PCDHA7: variants seen among roughly 807,000 people sequenced by gnomAD.
PCDHA7 encodes protocadherin alpha-7.
In PCDHA7, 37 loss-of-function variants were observed where a neutral mutation model predicts 57.2. The observed-to-expected ratio is 0.65, with a 90% CI of 0.50 to 0.85. PCDHA7 has a LOEUF of 0.85. PCDHA7 is among the 40% of genes least tolerant of loss of function. PCDHA7 has a pLI of 0.00. For synonymous variants in PCDHA7, 553 were observed against 558.8 expected, an observed-to-expected ratio of 0.99 and a Z score of 0.15; for missense variants, 1,188 against 1,241.8, an observed-to-expected ratio of 0.96 and a Z score of 0.65.
intron 3 of PCDHA7, among the ~76,000 whole-genome samples, chr5:141,008,665 T>A (rs2098385671): frequency 6.6e-6 from 1 of 152,210 alleles, no homozygotes; most frequent in Non-Finnish European, 1.5e-5. Context: ...CACAATACTT[T>A]ACATATACTT....
chr5:140,897,677 G>T (rs1390475923), intron 1 of PCDHA7, among the ~76,000 whole-genome samples: 1 of 152,168 alleles, frequency 6.6e-6, no homozygotes, highest in African/African-American at 2.4e-5. Flanking sequence ...ATAGCAGCAT[G>T]ATTTATAGTC....
At position 140,843,775 on chromosome 5, in the gene PCDHA7, A is replaced by C. The variant is rs2150366589; in HGVS notation, c.2355+7037A>C. On this transcript the variant is annotated intron_variant, in intron 1 of 3. Coordinates refer to ENST00000525929, the MANE Select transcript of PCDHA7 (RefSeq NM_018910.3). The stretch of plus-strand genomic sequence containing the variant: ...ATTTGTGGAAATTGTAGTTACTTTA[A>C]AAGTGTTTCAGATTTAGTTTTTCAC... 8 of 1,450,698 alleles carry C rather than the reference A, an allele frequency of 5.5e-6. No homozygotes were observed. In the South Asian group the frequency reaches 1.0e-4, roughly 18 times the overall value. The allele number at this position is 1,450,698 out of a possible 1,614,324, so 89.9% of individuals were successfully genotyped here.
intron 1 of PCDHA7, among the ~76,000 whole-genome samples, chr5:140,871,971 G>A (rs2053418279): frequency 6.6e-6 from 1 of 152,204 alleles, no homozygotes; most frequent in South Asian, 2.1e-4. Context: ...GTCTTCCTAT[G>A]ATGTCCAGGT....
intron 1 of PCDHA7, chr5:140,857,200 C>A: frequency 1.3e-6 from 2 of 1,598,618 alleles, no homozygotes; most frequent in East Asian, 2.2e-5. Flanking sequence ...ACGGACAGGT[C>A]ACCTGCTCTC....
chr5:140,850,612 C>T (rs1411031639), intron 1 of PCDHA7: 8 of 1,598,454 alleles, frequency 5.0e-6, no homozygotes, highest in Non-Finnish European at 6.8e-6. Context: ...GCCATCTGCG[C>T]GGTGTCTAGC....
rs781906273 is a variant in PCDHA7, at chr5:140,869,410, A to G, written c.2355+32672A>G. The G allele has an allele frequency of 3.7e-6, 6 of 1,614,082 alleles. No individual in the cohort carries two copies. The East Asian group carries it at 1.1e-4, about 30-fold the overall frequency. ...GCTGTGCGGGCAGAGCGCGGAGTGCAGCATCCACCTGGAGGTGATCGTGGA... is the reference window on the plus strand; with the variant it reads ...GCTGTGCGGGCAGAGCGCGGAGTGCGGCATCCACCTGGAGGTGATCGTGGA... On this transcript the variant is annotated intron_variant, in intron 1 of 3. Transcript: ENST00000525929.
chr5:140,894,941 C>T (rs2064738715), intron 1 of PCDHA7, among the ~76,000 whole-genome samples: 1 of 152,272 alleles, frequency 6.6e-6, no homozygotes, highest in East Asian at 1.9e-4. Context: ...CAGCTATTGT[C>T]ATGAAATGAT....
chr5:140,978,911 T>C, intron 1 of PCDHA7, 38 bp from the exon 2 acceptor site: 1 of 1,613,856 alleles, frequency 6.2e-7, no homozygotes, highest in Non-Finnish European at 8.5e-7. Context: ...AACATTGTCT[T>C]GTCATTTTAA....
chr5:140,856,296 T>G, intron 1 of PCDHA7: 1 of 1,598,576 alleles, frequency 6.3e-7, no homozygotes, highest in Non-Finnish European at 8.6e-7. Flanking sequence ...AATGGCATTT[T>G]GTTTGTGAAT....
At position 140,929,511 on chromosome 5, in the gene PCDHA7, G is replaced by A. The variant is rs113234119; in HGVS notation, c.2356-49438G>A. On this transcript the variant is annotated intron_variant, in intron 1 of 3. Coordinates refer to ENST00000525929, the MANE Select transcript of PCDHA7 (RefSeq NM_018910.3). ...TTAGAAGATTGCCCTAGGCCTCAAG[G>A]GACTTATAGTTTATTTTTGAGAAAC... 1,947 of 781,082 alleles carry A rather than the reference G, an allele frequency of 2.5e-3. 24 individuals carry two copies. The African/African-American group carries it at 0.032, about 13-fold the overall frequency. 48.4% of individuals were successfully genotyped at this position (781,082 alleles called of 1,614,324 possible).
intron 1 of PCDHA7, among the ~76,000 whole-genome samples, chr5:140,960,639 C>T (rs1184483884): frequency 5.9e-5 from 9 of 152,058 alleles, no homozygotes; most frequent in Admixed American, 5.9e-4. Flanking sequence ...ATTTTTAAAA[C>T]CCCTATCCAA....
intron 1 of PCDHA7, among the ~76,000 whole-genome samples, chr5:140,970,553 C>T (rs1349644785): frequency 5.9e-5 from 9 of 152,122 alleles, no homozygotes; most frequent in South Asian, 2.1e-4. Flanking sequence ...GTTGTGTGTT[C>T]GTCTCCATAT....
chr5:140,922,722 T>C (rs2153565730), intron 1 of PCDHA7, among the ~76,000 whole-genome samples: 1 of 151,972 alleles, frequency 6.6e-6, no homozygotes, highest in Non-Finnish European at 1.5e-5. Context: ...AAAGAAACAC[T>C]TGACAAGGTT....
intron 1 of PCDHA7, chr5:140,843,791 A>G (rs2150366777): frequency 7.3e-7 from 1 of 1,376,400 alleles, no homozygotes; most frequent in Admixed American, 2.2e-5. Flanking sequence ...TTTCAGATTT[A>G]GTTTTTCACC....
intron 1 of PCDHA7, among the ~76,000 whole-genome samples, chr5:140,896,536 C>CT (rs34213614): frequency 0.32 from 46,252 of 145,528 alleles, 7,425 homozygotes; most frequent in East Asian, 0.53. Flanking sequence ...AGCTATTTTT[C>CT]TTTTTTTTTT....
rs150382315 is a variant in PCDHA7, at chr5:140,929,255, G to A, written c.2356-49694G>A. 5.2e-5 allele frequency: 84 copies of A among 1,613,256 alleles called. No homozygotes were observed. In the South Asian group the frequency reaches 8.9e-4, roughly 17 times the overall value. On this transcript the variant is annotated intron_variant, in intron 1 of 3. Coordinates refer to ENST00000525929, the MANE Select transcript of PCDHA7 (RefSeq NM_018910.3). ...CTGCGAAATCTTGCCACTGGGGTAG[G>A]ACTGAATTTGCCAATATCCTGTATT...
At chr5:140,967,680 G>A in intron 1 of PCDHA7, 4 of 1,614,228 alleles carry the variant, frequency 2.5e-6, no homozygotes, top group South Asian at 1.1e-5. Context: ...GACCGGGAGA[G>A]GCAGCTCTTC....
Position 141,004,377 on chromosome 5 carries a change from C to T in PCDHA7, c.2504-5250C>T, listed in dbSNP as rs567018582. Among the ~76,000 whole-genome samples the T allele has an allele frequency of 3.9e-5, 6 of 152,294 alleles. No homozygotes were observed. The South Asian group carries it at 6.2e-4, about 16-fold the overall frequency. ...AGAGACCACACCTTGTTCTGCTCTG[C>T]GGAAGCTGGACATGTGGAGGAGGCA... On this transcript the variant is annotated intron_variant, in intron 3 of 3. Coordinates refer to ENST00000525929, the MANE Select transcript of PCDHA7 (RefSeq NM_018910.3).
chr5:140,878,583 T>C (rs1355382396), intron 1 of PCDHA7, among the ~76,000 whole-genome samples: 1 of 152,236 alleles, frequency 6.6e-6, no homozygotes, highest in African/African-American at 2.4e-5. Context: ...CACTGCCCTG[T>C]GCCTATTACC....
Sources: allele counts gnomAD v4.1 joint callset (sites outside exome capture counted in the v4.1 genomes callset), GRCh38; gene constraint gnomAD v4.1.1; transcripts MANE v1.5; gene names NCBI Gene and HGNC (gene_info 2026-07-23, HGNC 2026-07-21).